The following CMIP variants were observed in gnomAD, a reference collection of about 807,000 sequenced individuals.
CMIP encodes the protein c-Maf inducing protein, also known as C-Maf-inducing protein.
Under a neutral mutation model 97.3 loss-of-function variants are expected in CMIP, and 13 were observed. The observed-to-expected ratio is 0.13, with a 90% CI of 0.09 to 0.21. The LOEUF (loss-of-function observed/expected upper bound fraction) is 0.21. CMIP is among the 10% of genes least tolerant of loss of function. The pLI, the probability that CMIP is intolerant of heterozygous loss-of-function variation, is 1.00. For missense variants in CMIP, 847 were observed against 1,024.9 expected (o/e 0.83, Z 2.37); for synonymous variants, 538 against 436.3 (o/e 1.23, Z -2.91).
intron 1 of CMIP, among the ~76,000 whole-genome samples, chr16:81,502,408 C>T (rs1050268212): frequency 1.3e-5 from 2 of 152,198 alleles, no homozygotes; most frequent in African/African-American, 2.4e-5. Flanking sequence ...GTGGCACTGC[C>T]TCCATGTGAG....
intron 10 of CMIP, among the ~76,000 whole-genome samples, chr16:81,682,372 C>G (rs973547478): frequency 1.3e-5 from 2 of 152,162 alleles, no homozygotes; most frequent in Non-Finnish European, 2.9e-5. Context: ...CGAGACCAGC[C>G]TTACCAACAT....
chr16:81,650,730 T>C (rs1249064746), intron 3 of CMIP, among the ~76,000 whole-genome samples: 1 of 152,156 alleles, frequency 6.6e-6, no homozygotes, highest in East Asian at 1.9e-4. Flanking sequence ...TGAATGCGGC[T>C]CCATAGAGTG....
At position 81,445,251 on chromosome 16, in the gene CMIP, A is replaced by T. The variant is rs1255010473; in HGVS notation, c.10A>T (p.Thr4Ser). ...CTCCCCCGGCGCGGCCATGGATGTG[A>T]CCAGCAGCTCGGGCGGCGGCGGCGA... Reference protein sequence around the residue: MDVTSSSGGGGDPR... With the variant: MDVSSSSGGGGDPR... Residue 4 changes from threonine (T) to serine (S), a missense_variant, in exon 1 of 21, where the codon ACC becomes TCC. This residue lies in a region of CMIP where 94 missense variants were observed against 79.9 expected (regional missense o/e 1.18). Transcript: ENST00000537098. 7.0e-7 allele frequency: 1 copy of T among 1,438,456 alleles called. No homozygotes were observed. The highest frequency in any genetic ancestry group is 1.4e-5 in the African/African-American group (1 of 69,046). The allele number at this position is 1,438,456 out of a possible 1,614,324, so 89.1% of individuals were successfully genotyped here.
At chr16:81,706,607 G>A (rs1210751624) in intron 19 of CMIP, among the ~76,000 whole-genome samples, 2 of 152,250 alleles carry the variant, frequency 1.3e-5, no homozygotes, top group Non-Finnish European at 2.9e-5. Context: ...ACACAAACCA[G>A]AGGTTGAGGC....
intron 1 of CMIP, among the ~76,000 whole-genome samples, chr16:81,511,234 A>G (rs1042131902): frequency 6.6e-6 from 1 of 152,224 alleles, no homozygotes; most frequent in Non-Finnish European, 1.5e-5. Flanking sequence ...ATCTCTAAAA[A>G]ATAAAGTATC....
At chr16:81,657,931 G>C (rs1286832574) in intron 5 of CMIP, 115 bp downstream of exon 5, 2 of 837,602 alleles carry the variant, frequency 2.4e-6, no homozygotes, top group African/African-American at 3.5e-5. Context: ...ATCTGGCCTT[G>C]CTCCGTTTTG....
At chr16:81,568,864 T>C (rs980024460) in intron 1 of CMIP, among the ~76,000 whole-genome samples, 1 of 152,162 alleles carries the variant, frequency 6.6e-6, no homozygotes, top group Non-Finnish European at 1.5e-5. Context: ...AGTTGACAAT[T>C]GAAGGGTTAA....
At chr16:81,514,851 G>C (rs995229815) in intron 1 of CMIP, among the ~76,000 whole-genome samples, 2 of 152,220 alleles carry the variant, frequency 1.3e-5, no homozygotes, top group Non-Finnish European at 2.9e-5. Flanking sequence ...TGCCGTGCCA[G>C]TGTGCGCCAT....
At chr16:81,554,815 T>C (rs1306815034) in intron 1 of CMIP, among the ~76,000 whole-genome samples, 1 of 152,072 alleles carries the variant, frequency 6.6e-6, no homozygotes, top group Non-Finnish European at 1.5e-5. Flanking sequence ...AAGCATAGAG[T>C]GCTTAGCATC....
At position 81,670,157 on chromosome 16, in the gene CMIP, C is replaced by A; in HGVS notation, c.841C>A (p.Pro281Thr). The A allele has an allele frequency of 6.2e-7, 1 of 1,608,912 alleles. No individual in the cohort carries two copies. The highest frequency in any genetic ancestry group is 8.5e-7 in the Non-Finnish European group (1 of 1,177,942). ...LKHNMDFGKC[P>T]RLRLFTQEYI... ...GTCTCCACAGGACTTTGGGAAGTGC[C>A]CGCGACTGAGGCTGTTTACTCAGGA... Residue 281 changes from proline (P) to threonine (T), a missense_variant, in exon 8 of 21, where the codon CCG (proline) becomes ACG (threonine). By Grantham distance (38) the Pro-to-Thr change is conservative. This residue lies in a region of CMIP where 285 missense variants were observed against 392.2 expected (regional missense o/e 0.73). Transcript: ENST00000537098.
chr16:81,645,630 T>C (rs1395942652), intron 3 of CMIP: 4 of 1,534,408 alleles, frequency 2.6e-6, no homozygotes, highest in Admixed American at 2.0e-5. Flanking sequence ...GCAGAGAGGG[T>C]GAGGACAGCG....
chr16:81,522,318 G>C (rs529716185), intron 1 of CMIP, among the ~76,000 whole-genome samples: 1 of 152,274 alleles, frequency 6.6e-6, no homozygotes, highest in African/African-American at 2.4e-5. Flanking sequence ...GAGGGACACA[G>C]CTTCAGTGCT....
chr16:81,503,463 T>A (rs2089648687), intron 1 of CMIP, among the ~76,000 whole-genome samples: 1 of 152,130 alleles, frequency 6.6e-6, no homozygotes, highest in African/African-American at 2.4e-5. Context: ...TGGCAACAAT[T>A]ATGGCTTACT....
chr16:81,580,878 G>A (rs1555532820), intron 1 of CMIP, among the ~76,000 whole-genome samples: 1 of 152,106 alleles, frequency 6.6e-6, no homozygotes, highest in Non-Finnish European at 1.5e-5. Flanking sequence ...ATCTAATTCC[G>A]AAACCTCTTC....
At chr16:81,593,571 A>T (rs2091499059) in intron 1 of CMIP, among the ~76,000 whole-genome samples, 1 of 152,206 alleles carries the variant, frequency 6.6e-6, no homozygotes, top group Non-Finnish European at 1.5e-5. Flanking sequence ...TCCGTGGATG[A>T]TGGAGGAGCT....
intron 1 of CMIP, among the ~76,000 whole-genome samples, chr16:81,471,003 C>G (rs1907496057): frequency 6.6e-6 from 1 of 151,650 alleles, no homozygotes; most frequent in African/African-American, 2.4e-5. Flanking sequence ...CACATGCACA[C>G]AGGCACACAT....
rs188237977 is a variant in CMIP at position 81,693,423 on chromosome 16, G to T, written c.1482-16G>T. 2 of 1,609,086 alleles carry T rather than the reference G, an allele frequency of 1.2e-6. No individual in the cohort carries two copies. Among genetic ancestry groups the T allele is most frequent in the Admixed American group, 1.7e-5 (1 of 59,504 alleles). ...CCAGACCCCGGCAGTAACTCCGGCC[G>T]CCTCGTCTCTTCCAGGGAACTGAAG... On this transcript the variant is annotated splice_polypyrimidine_tract_variant and intron_variant, in intron 12 of 20. Coordinates refer to ENST00000537098, the MANE Select transcript of CMIP (RefSeq NM_198390.3).
At chr16:81,640,067 C>T (rs74031226) in intron 3 of CMIP, among the ~76,000 whole-genome samples, 15,375 of 152,078 alleles carry the variant, frequency 0.1, 1,633 homozygotes, top group African/African-American at 0.26. Flanking sequence ...CCCATGCTGA[C>T]GTCCCTACCC....
intron 15 of CMIP, 43 bp downstream of exon 15, chr16:81,699,844 C>T (rs367716931): frequency 6.3e-5 from 86 of 1,355,954 alleles, no homozygotes; most frequent in Non-Finnish European, 8.1e-5. Flanking sequence ...GCTGGCTCCC[C>T]GTCCCTTGTC....
Sources: allele counts gnomAD v4.1 joint callset (sites outside exome capture counted in the v4.1 genomes callset), GRCh38; gene constraint gnomAD v4.1.1; regional missense constraint gnomAD v4.1.1; transcripts MANE v1.5; gene names NCBI Gene and HGNC (gene_info 2026-07-23, HGNC 2026-07-21).